The following COL6A6 variants were observed in gnomAD, a reference collection of about 807,000 sequenced individuals.
COL6A6 encodes collagen alpha-6(VI) chain.
In COL6A6, 183 loss-of-function variants were observed where a neutral mutation model predicts 208.6. The observed-to-expected ratio is 0.88, with a 90% confidence interval of 0.78 to 0.99. The LOEUF (loss-of-function observed/expected upper bound fraction) is 0.99. COL6A6 is among the 50% of genes least tolerant of loss of function. COL6A6 has a pLI of 0.00. For missense variants in COL6A6, 2,816 were observed against 2,815.2 expected, an observed-to-expected ratio of 1.00 and a Z score of -0.01; for synonymous variants, 973 against 1,011.8, an observed-to-expected ratio of 0.96 and a Z score of 0.73.
At chr3:130,584,189 A>T (rs1247086166) in intron 10 of COL6A6, among the ~76,000 whole-genome samples, 1 of 152,214 alleles carries the variant, frequency 6.6e-6, no homozygotes, top group Admixed American at 6.5e-5. Context: ...GTCTGAAAGA[A>T]GATAGGAGTC....
chr3:130,672,405 A>AT (rs531723309), intron 36 of COL6A6, among the ~76,000 whole-genome samples: 280 of 143,936 alleles, frequency 1.9e-3, no homozygotes, highest in Middle Eastern at 7.2e-3. Flanking sequence ...GAGTAATCAC[A>AT]TTTTTTTTTT....
chr3:130,655,556 T>A (rs978522320), intron 33 of COL6A6, among the ~76,000 whole-genome samples: 2 of 152,222 alleles, frequency 1.3e-5, no homozygotes, highest in African/African-American at 4.8e-5. Flanking sequence ...ATGATCCCAG[T>A]TGCTGTGAGA....
chr3:130,595,510 C>T (rs2063828425), intron 18 of COL6A6, among the ~76,000 whole-genome samples: 1 of 152,164 alleles, frequency 6.6e-6, no homozygotes, highest in Non-Finnish European at 1.5e-5. Context: ...ACTATCCTGT[C>T]ACTATTAATT....
At chr3:130,540,185 C>T (rs903602176) in intron 1 of COL6A6, among the ~76,000 whole-genome samples, 36 of 152,216 alleles carry the variant, frequency 2.4e-4, no homozygotes, top group Middle Eastern at 3.4e-3. Flanking sequence ...TAAAAATAGA[C>T]GACTTTTTTA....
intron 11 of COL6A6, 26 bp from the exon 12 acceptor site, chr3:130,589,059 AAATGT>A: frequency 1.9e-6 from 3 of 1,564,512 alleles, no homozygotes; most frequent in Non-Finnish European, 2.6e-6. Flanking sequence ...CAATACCACC[AAATGT>A]AATGTATTTC....
intron 28 of COL6A6, 132 bp from the exon 29 acceptor site, chr3:130,641,520 A>T: frequency 2.2e-6 from 1 of 458,110 alleles, no homozygotes; most frequent in South Asian, 7.8e-5. Context: ...GAAAACTCTC[A>T]ATTTTCTAAA....
chr3:130,526,241 A>G (rs1485588443), intron 1 of COL6A6, among the ~76,000 whole-genome samples: 2 of 152,070 alleles, frequency 1.3e-5, no homozygotes, highest in Non-Finnish European at 2.9e-5. Context: ...CTGAGTGAAT[A>G]TGGGAGGAGA....
rs146276214 is a variant in COL6A6, at chr3:130,625,804, A to G, written c.4879-681A>G. Among the ~76,000 whole-genome samples the G allele has an allele frequency of 3.4e-3, 524 of 152,306 alleles. 5 individuals carry two copies. Among genetic ancestry groups the G allele is most frequent in the African/African-American group, 0.012 (499 of 41,542 alleles). ...ATAAATCAGTATTGATTCGGTTGTG[A>G]CAAATGTACCCTACAAATGCAACTA... On this transcript the variant is annotated intron_variant, in intron 24 of 36. Coordinates refer to ENST00000358511, the MANE Select transcript of COL6A6 (RefSeq NM_001102608.3).
rs1187001633 is a variant in COL6A6, at chr3:130,584,355, A to G, written c.3971-2151A>G. Among the ~76,000 whole-genome samples the G allele has an allele frequency of 2.6e-5, 4 of 152,128 alleles. No homozygotes were observed. In the East Asian group the frequency reaches 5.8e-4, roughly 22 times the overall value. ...AAGGTTTCATTTCTCTTATAAGTAG[A>G]TCCATTAGCATGCCTTCTCTTGATA... On this transcript the variant is annotated intron_variant, in intron 10 of 36. Transcript: ENST00000358511.
At position 130,567,148 on chromosome 3, in the gene COL6A6, C is replaced by A. The variant is rs1458094338; in HGVS notation, c.1729C>A (p.Gln577Lys). 3.1e-6 allele frequency: 5 copies of A among 1,613,898 alleles called. No individual in the cohort carries two copies. The South Asian group carries it at 5.5e-5, about 18-fold the overall frequency. ...TGCTATCGGGATCAAGGAGGCCAAC[C>A]AAACACAGCTGAGAGAAATTGCAGG... The part of the protein sequence containing the change: ...VYAIGIKEAN[Q>K]TQLREIAGEE... Residue 577 changes from glutamine (Q) to lysine (K), a missense_variant, in exon 5 of 37, where the codon CAA becomes AAA. Physicochemically the swap from Gln to Lys is moderately conservative, Grantham distance 53. Transcript: ENST00000358511.
intron 18 of COL6A6, among the ~76,000 whole-genome samples, chr3:130,594,930 T>G (rs1447148754): frequency 1.3e-5 from 2 of 152,172 alleles, no homozygotes; most frequent in Non-Finnish European, 2.9e-5. Context: ...AAGAACAGTA[T>G]GGGGGAAACC....
At chr3:130,616,513 G>T (rs2064527476) in intron 23 of COL6A6, among the ~76,000 whole-genome samples, 1 of 143,220 alleles carries the variant, frequency 7.0e-6, no homozygotes, top group South Asian at 2.2e-4. Flanking sequence ...TTCCCCCTTT[G>T]GTTTACCTTA....
At chr3:130,601,055 G>T (rs891814537) in intron 20 of COL6A6, among the ~76,000 whole-genome samples, 2 of 152,132 alleles carry the variant, frequency 1.3e-5, no homozygotes, top group African/African-American at 4.8e-5. Context: ...AAAGCACAGA[G>T]ATGATAAAAT....
In COL6A6 at chr3:130,675,501, A is replaced by T. The variant is rs2066337545; in HGVS notation, c.*104A>T. 19 of 803,996 alleles carry T rather than the reference A, an allele frequency of 2.4e-5. No homozygotes were observed. The allele number at this position is 803,996 out of a possible 1,614,324, so 49.8% of individuals were successfully genotyped here. ...CTCAAGCAACAGTTTGTAGGTTATC[A>T]GGTGACTTGACCCCCTGCATTCATT... On this transcript the variant is annotated 3_prime_UTR_variant, in exon 37 of 37. Transcript: ENST00000358511.
rs776675135 is a variant in COL6A6, at chr3:130,565,346, G to T, written c.1014G>T (p.Leu338=). ...AGGGGGTGCCCCAGATTGCCGTGCT[G>T]GTGACCCACCGAGATTCAGAAGACA... ...KNQGVPQIAV[L]VTHRDSEDNV... The change falls in exon 4 of 37, where the codon CTG becomes CTT. Residue 338 remains leucine (L), a synonymous_variant. Coordinates refer to ENST00000358511, the MANE Select transcript of COL6A6 (RefSeq NM_001102608.3). 1.5e-5 allele frequency: 24 copies of T among 1,610,200 alleles called. No homozygotes were observed. In the East Asian group the frequency reaches 5.4e-4, roughly 36 times the overall value.
chr3:130,653,891 A>G (rs1012511956), intron 33 of COL6A6, among the ~76,000 whole-genome samples: 15 of 152,222 alleles, frequency 9.9e-5, no homozygotes, highest in Non-Finnish European at 2.1e-4. Flanking sequence ...ACAACTCACT[A>G]GAATCAATGA....
chr3:130,560,539 T>C, intron 2 of COL6A6, 111 bp downstream of exon 2: 1 of 910,398 alleles, frequency 1.1e-6, no homozygotes, highest in Non-Finnish European at 1.7e-6. Context: ...TTGATTTTGA[T>C]GGTAGTGAGA....
In COL6A6 at chr3:130,626,672, A is replaced by G; in HGVS notation, c.4941+125A>G. ...TCATGAAGTTTTATAGTTTTATAGA[A>G]ATTAGGAGGGATATTGTCTTCATCT... On this transcript the variant is annotated intron_variant, in intron 25 of 36. Coordinates refer to ENST00000358511, the MANE Select transcript of COL6A6 (RefSeq NM_001102608.3). 4 of 691,970 alleles carry G rather than the reference A, an allele frequency of 5.8e-6. No individual in the cohort carries two copies. The South Asian group carries it at 7.5e-5, about 13-fold the overall frequency. The allele number at this position is 691,970 out of a possible 1,614,324, so 42.9% of individuals were successfully genotyped here. A position where few individuals can be genotyped will look rare whatever the true frequency, so the allele number is the denominator to read the frequency against.
chr3:130,588,485 A>G (rs888173510), intron 11 of COL6A6, among the ~76,000 whole-genome samples: 2 of 152,238 alleles, frequency 1.3e-5, no homozygotes, highest in African/African-American at 4.8e-5. Context: ...TTACCAGAGT[A>G]TAAAGAGTAA....
Sources: gnomAD v4.1 joint callset for allele counts (sites outside exome capture counted in the v4.1 genomes callset) on GRCh38, gnomAD v4.1.1 for gene constraint, MANE v1.5 for transcripts, NCBI Gene and HGNC (gene_info 2026-07-23, HGNC 2026-07-21) for gene names.